UNC13C: variants seen among roughly 807,000 people sequenced by gnomAD.
UNC13C encodes protein unc-13 homolog C.
Under a neutral mutation model 245.4 loss-of-function variants are expected in UNC13C, and 174 were observed. The observed-to-expected ratio is 0.71, with a 90% CI of 0.63 to 0.80. The LOEUF (loss-of-function observed/expected upper bound fraction) is 0.80. UNC13C is among the 30% of genes least tolerant of loss of function. The pLI is 0.00. For missense variants in UNC13C, 2,829 were observed against 2,602.9 expected, an observed-to-expected ratio of 1.09 and a Z score of -1.89; for synonymous variants, 992 against 895.1, an observed-to-expected ratio of 1.11 and a Z score of -1.93.
At chr15:53,906,385 A>G in the UNC13C span, among the ~76,000 whole-genome samples, 2 of 152,232 alleles carry the variant, frequency 1.3e-5, no homozygotes, top group East Asian at 1.9e-4. Flanking sequence ...TGGCAATCCA[A>G]CATGGACTAT....
chr15:54,350,408 T>C (rs183823792), intron 17 of UNC13C, among the ~76,000 whole-genome samples: 1 of 152,126 alleles, frequency 6.6e-6, no homozygotes, highest in Admixed American at 6.5e-5. Flanking sequence ...GGACATGAAA[T>C]TGTAGAATGG....
rs35647420 is a variant in UNC13C at position 54,422,958 on chromosome 15, T to TACACAC, written c.4933+7911_4933+7916dup. 2.0e-3 allele frequency among the ~76,000 whole-genome samples: 288 copies of TACACAC among 145,996 alleles called. 2 individuals carry two copies. Among genetic ancestry groups the TACACAC allele is most frequent in the East Asian group, 7.3e-3 (36 of 4,944 alleles). On this transcript the variant is annotated intron_variant, in intron 19 of 32. Transcript: ENST00000260323. ...AAAATACACTTCTACAGCAATATAG[T>TACACAC]ACACACACACACACACACACACACA...
chr15:54,166,516 G>T (rs1452425656), intron 4 of UNC13C, among the ~76,000 whole-genome samples: 1 of 151,854 alleles, frequency 6.6e-6, no homozygotes, highest in Non-Finnish European at 1.5e-5. Context: ...AACAAGTATA[G>T]GCAATTAGGC....
chr15:54,576,738 C>T (rs559401215), intron 30 of UNC13C, among the ~76,000 whole-genome samples: 1 of 152,282 alleles, frequency 6.6e-6, no homozygotes, highest in Admixed American at 6.5e-5. Context: ...CCCACCAGCA[C>T]ATGGATTCAT....
the UNC13C span, among the ~76,000 whole-genome samples, chr15:53,892,357 G>C: frequency 6.6e-6 from 1 of 152,048 alleles, no homozygotes; most frequent in South Asian, 2.1e-4. Flanking sequence ...TGTGTCTTGA[G>C]GTTGCTCTTC....
At chr15:54,186,564 AT>A (rs5812749) in intron 4 of UNC13C, among the ~76,000 whole-genome samples, 16,153 of 152,002 alleles carry the variant, frequency 0.11, 1,449 homozygotes, top group African/African-American at 0.24. Flanking sequence ...ATACAGTATA[AT>A]TTTTCCTCCA....
At chr15:53,957,476 C>T in the UNC13C span, among the ~76,000 whole-genome samples, 1 of 152,084 alleles carries the variant, frequency 6.6e-6, no homozygotes, top group Non-Finnish European at 1.5e-5. Context: ...GGCAGTGGTT[C>T]CATTTCTTTT....
rs192663492 is a variant in UNC13C, at chr15:54,332,578, C to T, written c.4494+467C>T. Among the ~76,000 whole-genome samples, 8 of 152,026 alleles carry T rather than the reference C, an allele frequency of 5.3e-5. No homozygotes were observed. The East Asian group carries it at 1.6e-3, about 29-fold the overall frequency. On this transcript the variant is annotated intron_variant, in intron 15 of 32. Coordinates refer to ENST00000260323, the MANE Select transcript of UNC13C (RefSeq NM_001080534.3). ...AGTACCATTTGTTCCTGCAAAGCTG[C>T]CCAGAATTCATTGTCAACAATTCTA...
the UNC13C span, among the ~76,000 whole-genome samples, chr15:53,931,138 T>G: frequency 1.3e-5 from 2 of 152,098 alleles, no homozygotes; most frequent in Non-Finnish European, 2.9e-5. Context: ...TGTTTTATTT[T>G]ATTGATTTAT....
intron 13 of UNC13C, among the ~76,000 whole-genome samples, chr15:54,303,531 A>G (rs2037642910): frequency 6.6e-6 from 1 of 152,118 alleles, no homozygotes; most frequent in Non-Finnish European, 1.5e-5. Context: ...TATCACATAG[A>G]TCGTTGGAAA....
At chr15:54,063,825 A>C (rs1193007524) in intron 2 of UNC13C, among the ~76,000 whole-genome samples, 1 of 152,214 alleles carries the variant, frequency 6.6e-6, no homozygotes, top group Admixed American at 6.5e-5. Flanking sequence ...GGTGGGAGAC[A>C]CAGCTGCCTT....
chr15:54,182,501 G>T (rs2033836108), intron 4 of UNC13C, among the ~76,000 whole-genome samples: 2 of 151,954 alleles, frequency 1.3e-5, no homozygotes, highest in African/African-American at 4.8e-5. Flanking sequence ...CCAGGTTTTG[G>T]TATCAGGGTG....
At chr15:54,133,488 C>A (rs1242946304) in intron 2 of UNC13C, among the ~76,000 whole-genome samples, 1 of 152,094 alleles carries the variant, frequency 6.6e-6, no homozygotes, top group Non-Finnish European at 1.5e-5. Context: ...CCACTACAAA[C>A]TTACTTTAAT....
At chr15:54,356,930 T>C (rs1287123288) in intron 17 of UNC13C, among the ~76,000 whole-genome samples, 1 of 152,138 alleles carries the variant, frequency 6.6e-6, no homozygotes, top group Non-Finnish European at 1.5e-5. Context: ...CTTCATTTTT[T>C]ATTGATTTAT....
At chr15:54,393,210 A>T (rs763638627) in intron 18 of UNC13C, 29 bp downstream of exon 18, 1 of 1,482,478 alleles carries the variant, frequency 6.7e-7, no homozygotes, top group South Asian at 1.4e-5. Context: ...AAATGAATGG[A>T]TTTTATTCCA....
chr15:54,208,466 A>G (rs999147427), intron 4 of UNC13C, among the ~76,000 whole-genome samples: 2 of 152,158 alleles, frequency 1.3e-5, no homozygotes, highest in Non-Finnish European at 2.9e-5. Context: ...TCATTTATTC[A>G]TTCCCGTAGG....
At chr15:54,118,719 T>C (rs1224445713) in intron 2 of UNC13C, among the ~76,000 whole-genome samples, 1 of 152,186 alleles carries the variant, frequency 6.6e-6, no homozygotes, top group Non-Finnish European at 1.5e-5. Context: ...TGTCTTGTTC[T>C]AGGTTTTTGA....
chr15:53,992,913 C>A (rs1020499087), intron 1 of UNC13C, among the ~76,000 whole-genome samples: 3 of 152,026 alleles, frequency 2.0e-5, no homozygotes, highest in Non-Finnish European at 2.9e-5. Flanking sequence ...TCTCAAATAC[C>A]TGAGATAGAG....
intron 1 of UNC13C, among the ~76,000 whole-genome samples, chr15:53,994,609 A>G (rs1473739876): frequency 6.6e-6 from 1 of 152,066 alleles, no homozygotes; most frequent in African/African-American, 2.4e-5. Flanking sequence ...CTCCCAGTGC[A>G]ACATTCATTA....
Sources: allele counts gnomAD v4.1 joint callset (sites outside exome capture counted in the v4.1 genomes callset), GRCh38; gene constraint gnomAD v4.1.1; transcripts MANE v1.5; gene names NCBI Gene and HGNC (gene_info 2026-07-23, HGNC 2026-07-21).